SMIM19: variants seen among roughly 807,000 people sequenced by gnomAD.
The protein encoded by SMIM19 is UPF0697 protein C8orf40.
Under a neutral mutation model 13.2 loss-of-function variants are expected in SMIM19, and 6 were observed. The observed-to-expected ratio is 0.45, with a 90% confidence interval of 0.25 to 0.90. The LOEUF (loss-of-function observed/expected upper bound fraction) is 0.90, where lower values mean the gene tolerates loss of function less well. SMIM19 is among the 40% of genes least tolerant of loss of function. The pLI, the probability that SMIM19 is intolerant of heterozygous loss-of-function variation, is 0.19. For missense variants in SMIM19, 138 were observed against 131.0 expected, an observed-to-expected ratio of 1.05 and a Z score of -0.26; for synonymous variants, 46 against 43.1, an observed-to-expected ratio of 1.07 and a Z score of -0.27.
At chr8:42,551,977 TA>T (rs1257946615) in intron 3 of SMIM19, among the ~76,000 whole-genome samples, 1 of 152,130 alleles carries the variant, frequency 6.6e-6, no homozygotes, top group Non-Finnish European at 1.5e-5. Flanking sequence ...TTTAATAGCT[TA>T]ATGTTTATAT....
intron 1 of SMIM19, among the ~76,000 whole-genome samples, chr8:42,546,074 C>G (rs1813469586): frequency 6.6e-6 from 1 of 152,138 alleles, no homozygotes; most frequent in African/African-American, 2.4e-5. Flanking sequence ...CGTAGATGCC[C>G]AAGTCCCGAT....
At chr8:42,547,221 G>T (rs564184040) in intron 2 of SMIM19, among the ~76,000 whole-genome samples, 1 of 152,058 alleles carries the variant, frequency 6.6e-6, no homozygotes, top group Non-Finnish European at 1.5e-5. Context: ...TTAGCTGGGC[G>T]TGATGGCGTG....
At chr8:42,543,501 T>C (rs1813356029) in intron 1 of SMIM19, among the ~76,000 whole-genome samples, 1 of 152,236 alleles carries the variant, frequency 6.6e-6, no homozygotes, top group Non-Finnish European at 1.5e-5. Flanking sequence ...TCATGTTGTA[T>C]AATATAGGTT....
At chr8:42,552,506 T>C (rs766362399) in intron 3 of SMIM19, 38 bp from the exon 4 acceptor site, 3 of 1,604,160 alleles carry the variant, frequency 1.9e-6, no homozygotes, top group Non-Finnish European at 2.6e-6. Flanking sequence ...TTTTGCAGTT[T>C]TATTAATTTT....
intron 3 of SMIM19, among the ~76,000 whole-genome samples, chr8:42,551,304 C>A: frequency 8.7e-6 from 1 of 115,104 alleles, no homozygotes; most frequent in Non-Finnish European, 1.7e-5. Flanking sequence ...GGCGACAGAG[C>A]GAGACTCAAA....
rs1332968240 is a variant in SMIM19 at position 42,553,809 on chromosome 8, C to T, written c.*1201C>T. The T allele has an allele frequency of 2.6e-5, 4 of 152,108 alleles. No homozygotes were observed. The highest frequency in any genetic ancestry group is 2.0e-4 in the Admixed American group (3 of 15,260). The allele number at this position is 152,108 out of a possible 1,614,324, so 9.4% of individuals were successfully genotyped here. ...CCAGCCTGGCCAACGTGGTTAAACC[C>T]AATCTCTACGAAGAATACAAAAATT... On this transcript the variant is annotated 3_prime_UTR_variant, in exon 4 of 4. Transcript: ENST00000417410.
intron 1 of SMIM19, among the ~76,000 whole-genome samples, chr8:42,544,819 T>C (rs551862727): frequency 6.6e-6 from 1 of 152,314 alleles, no homozygotes; most frequent in Non-Finnish European, 1.5e-5. Context: ...ATTTTTCTCA[T>C]ATAGAGGCAA....
rs1200699994 is a variant in SMIM19 at position 42,541,954 on chromosome 8, T to G, written c.-424T>G. 6.6e-6 allele frequency: 1 copy of G among 152,064 alleles called. No homozygotes were observed. Among genetic ancestry groups the G allele is most frequent in the Non-Finnish European group, 1.5e-5 (1 of 68,000 alleles). The allele number at this position is 152,064 out of a possible 1,614,324, so 9.4% of individuals were successfully genotyped here. A position where few individuals can be genotyped will look rare whatever the true frequency, so the allele number is the denominator to read the frequency against. On this transcript the variant is annotated 5_prime_UTR_variant, in exon 1 of 4. Transcript: ENST00000417410. Reference sequence around the variant, plus strand: ...CACGGGCCAGTTGCGGCGGCCCATCTGCCGGGGCGGCGGGGGCTCGGCGGG... The same window carrying G: ...CACGGGCCAGTTGCGGCGGCCCATCGGCCGGGGCGGCGGGGGCTCGGCGGG...
At chr8:42,551,469 A>C (rs1336604978) in intron 3 of SMIM19, among the ~76,000 whole-genome samples, 1 of 152,192 alleles carries the variant, frequency 6.6e-6, no homozygotes, top group African/African-American at 2.4e-5. Flanking sequence ...ACAGAATTGC[A>C]TATCTATTTT....
rs551429069 is a variant in SMIM19, at chr8:42,548,891, G to C, written c.259+111G>C. On this transcript the variant is annotated intron_variant, in intron 3 of 3. Transcript: ENST00000417410. ...AGAAATCGTAAGTAATGAAAACTTA[G>C]TACTTCTTTCAGATGTTTAATATGT... is the stretch of plus-strand genomic sequence containing the variant. The C allele has an allele frequency of 2.4e-5, 28 of 1,162,016 alleles. No homozygotes were observed. In the Admixed American group the frequency reaches 2.6e-4, roughly 11 times the overall value. 72.0% of individuals were successfully genotyped at this position (1,162,016 alleles called of 1,614,324 possible). A position where few individuals can be genotyped will look rare whatever the true frequency, so the allele number is the denominator to read the frequency against.
intron 3 of SMIM19, among the ~76,000 whole-genome samples, chr8:42,549,508 A>G (rs2131496303): frequency 6.6e-6 from 1 of 152,300 alleles, no homozygotes; most frequent in Middle Eastern, 3.4e-3. Context: ...CAGGACAAAT[A>G]TTGGATTATT....
intron 3 of SMIM19, 134 bp from the exon 4 acceptor site, chr8:42,552,410 T>G: frequency 2.3e-6 from 2 of 874,882 alleles, no homozygotes; most frequent in South Asian, 1.9e-5. Flanking sequence ...AGAGGGAGAC[T>G]CTATCTCTGA....
chr8:42,546,416 C>T, intron 1 of SMIM19, 53 bp from the exon 2 acceptor site: 1 of 1,527,922 alleles, frequency 6.5e-7, no homozygotes, highest in South Asian at 1.3e-5. Context: ...CTTCTCCAGA[C>T]AGTGCTACCA....
At chr8:42,544,115 A>G (rs931420767) in intron 1 of SMIM19, among the ~76,000 whole-genome samples, 3 of 152,284 alleles carry the variant, frequency 2.0e-5, no homozygotes, top group Non-Finnish European at 2.9e-5. Flanking sequence ...TGAAACTCTC[A>G]ATATGTCAAA....
Position 42,541,755 on chromosome 8 carries a change from C to T in SMIM19, c.-623C>T, listed in dbSNP as rs1039234424. The T allele has an allele frequency of 1.3e-5, 2 of 149,272 alleles. No individual in the cohort carries two copies. The highest frequency in any genetic ancestry group is 1.3e-4 in the Admixed American group (2 of 15,064). The allele number at this position is 149,272 out of a possible 1,614,324, so 9.2% of individuals were successfully genotyped here. Reference sequence around the variant, plus strand: ...CTCCCGGTCCCCGGCGGGGCCGCGTCACCCGGCCCCGCCCCGCGCCGCCCG... The same window carrying T: ...CTCCCGGTCCCCGGCGGGGCCGCGTTACCCGGCCCCGCCCCGCGCCGCCCG... On this transcript the variant is annotated 5_prime_UTR_variant, in exon 1 of 4. Transcript: ENST00000417410.
At chr8:42,544,165 AC>A (rs1813393590) in intron 1 of SMIM19, among the ~76,000 whole-genome samples, 1 of 151,274 alleles carries the variant, frequency 6.6e-6, no homozygotes, top group Non-Finnish European at 1.5e-5. Flanking sequence ...TAATCCCAGC[AC>A]TTTGGGAGGC....
intron 1 of SMIM19, 176 bp from the exon 2 acceptor site, chr8:42,546,293 C>T: frequency 1.6e-6 from 1 of 624,756 alleles, no homozygotes; most frequent in Non-Finnish European, 2.5e-6. Flanking sequence ...AGAGGGCCAA[C>T]TGCACCATTT....
intron 1 of SMIM19, among the ~76,000 whole-genome samples, chr8:42,543,257 G>T (rs1251204065): frequency 6.6e-6 from 1 of 152,158 alleles, no homozygotes; most frequent in East Asian, 1.9e-4. Flanking sequence ...TGGCATGCCG[G>T]GGAGGAGGGG....
At chr8:42,551,151 T>C (rs1813662079) in intron 3 of SMIM19, among the ~76,000 whole-genome samples, 1 of 151,940 alleles carries the variant, frequency 6.6e-6, no homozygotes, top group Non-Finnish European at 1.5e-5. Flanking sequence ...AACCTGTCTC[T>C]ACTAAAAATA....
Sources: gnomAD v4.1 joint callset for allele counts (sites outside exome capture counted in the v4.1 genomes callset) on GRCh38, gnomAD v4.1.1 for gene constraint, MANE v1.5 for transcripts, NCBI Gene and HGNC (gene_info 2026-07-23, HGNC 2026-07-21) for gene names.